Variants in ZNF57 observed in about 807,000 individuals in gnomAD.
The protein encoded by ZNF57 is zinc finger protein 57.
A neutral mutation model predicts 13.4 loss-of-function variants in ZNF57; 11 were observed. The observed-to-expected ratio is 0.82, with a 90% CI of 0.52 to 1.36. ZNF57 has a LOEUF of 1.36. ZNF57 is among the 40% of genes most tolerant of loss of function. The pLI is 0.00. For missense variants in ZNF57, 696 were observed against 667.5 expected (o/e 1.04, Z -0.47); for synonymous variants, 224 against 238.5 (o/e 0.94, Z 0.56).
At position 2,915,331 on chromosome 19, in the gene ZNF57, A is replaced by C. The variant is rs2088180539; in HGVS notation, c.4-191A>C. On this transcript the variant is annotated intron_variant, in intron 1 of 3. Transcript: ENST00000306908. ...GCAGTCGCAGTAAAAAGGCAGAGAT[A>C]AGTTCAGACTGATAGTGGTGCCATG... 3 of 639,164 alleles carry C rather than the reference A, an allele frequency of 4.7e-6. No individual in the cohort carries two copies. In the East Asian group the frequency reaches 9.3e-5, roughly 20 times the overall value. 39.6% of individuals were successfully genotyped at this position (639,164 alleles called of 1,614,324 possible).
rs370244124 is a variant in ZNF57 at position 2,917,314 on chromosome 19, G to A, written c.693G>A (p.Met231Ile). ...CCTACAAATGCGAGCAGTGTCGGAT[G>A]GCGTTTAATGGGTTCGCAAGCTTCA... ...EKTYKCEQCR[M>I]AFNGFASFTR... The change falls in exon 4 of 4, where the codon ATG becomes ATA. Residue 231 changes from methionine to isoleucine, a missense_variant. By Grantham distance (10) the Met-to-Ile change is conservative (BLOSUM62 1). Around this residue, in one of 3 missense-constraint regions of ZNF57, gnomAD observed 645 missense variants for 591.5 expected, o/e 1.09. Transcript: ENST00000306908. 1 of 1,614,092 alleles carries A rather than the reference G, an allele frequency of 6.2e-7. No homozygotes were observed. The highest frequency in any genetic ancestry group is 8.5e-7 in the Non-Finnish European group (1 of 1,179,966).
intron 1 of ZNF57, among the ~76,000 whole-genome samples, chr19:2,901,318 T>G (rs1599593926): frequency 4.9e-5 from 2 of 40,852 alleles, no homozygotes; most frequent in African/African-American, 1.1e-4. Context: ...GGGGGGACGG[T>G]AGGGGCGGTC....
intron 1 of ZNF57, among the ~76,000 whole-genome samples, chr19:2,906,622 G>A (rs908152549): frequency 6.6e-6 from 1 of 152,170 alleles, no homozygotes; most frequent in African/African-American, 2.4e-5. Flanking sequence ...AAAGCCACAC[G>A]GTCATCTGCT....
At chr19:2,905,407 G>GCGCCCCCCCCCC (rs2088064464) in intron 1 of ZNF57, among the ~76,000 whole-genome samples, 1 of 34,818 alleles carries the variant, frequency 2.9e-5, no homozygotes, top group African/African-American at 1.3e-4. Context: ...TCAGGTGATC[G>GCGCCCCCCCCCC]CCCCCCCCCC....
chr19:2,905,407 G>GCGCCCCCCCCCCCC (rs2088064464), intron 1 of ZNF57, among the ~76,000 whole-genome samples: 1 of 34,818 alleles, frequency 2.9e-5, no homozygotes, highest in African/African-American at 1.3e-4. Flanking sequence ...TCAGGTGATC[G>GCGCCCCCCCCCCCC]CCCCCCCCCC....
At chr19:2,907,681 TTC>T (rs1265415547) in intron 1 of ZNF57, among the ~76,000 whole-genome samples, 3 of 152,216 alleles carry the variant, frequency 2.0e-5, no homozygotes, top group Admixed American at 2.0e-4. Flanking sequence ...TAGACTCTTT[TTC>T]TCTGTTAGAT....
intron 1 of ZNF57, among the ~76,000 whole-genome samples, chr19:2,913,861 G>A (rs951031052): frequency 6.6e-6 from 1 of 152,094 alleles, no homozygotes; most frequent in Admixed American, 6.5e-5. Flanking sequence ...GGCTGGTCTC[G>A]AACACCTGAG....
chr19:2,915,763 C>T (rs1254346594), intron 2 of ZNF57, 115 bp downstream of exon 2: 1 of 1,469,398 alleles, frequency 6.8e-7, no homozygotes, highest in African/African-American at 1.4e-5. Context: ...TTCACAGCCA[C>T]CATGGACCTA....
chr19:2,914,237 T>G (rs377646041), intron 1 of ZNF57, among the ~76,000 whole-genome samples: 1 of 152,172 alleles, frequency 6.6e-6, no homozygotes, highest in Admixed American at 6.6e-5. Flanking sequence ...TTTTTAATTA[T>G]CCATTTCTTT....
chr19:2,901,195 C>T (rs1175652974), intron 1 of ZNF57, 147 bp downstream of exon 1: 2 of 1,157,668 alleles, frequency 1.7e-6, no homozygotes. Flanking sequence ...GGGACGCCAT[C>T]ACAGCGGCCG....
At chr19:2,906,110 G>A (rs1039212733) in intron 1 of ZNF57, among the ~76,000 whole-genome samples, 8 of 152,164 alleles carry the variant, frequency 5.3e-5, no homozygotes, top group African/African-American at 1.9e-4. Flanking sequence ...CTGGAGTGCA[G>A]TGATGCAATC....
intron 1 of ZNF57, among the ~76,000 whole-genome samples, chr19:2,913,096 G>T (rs1422674673): frequency 6.6e-6 from 1 of 152,154 alleles, no homozygotes; most frequent in African/African-American, 2.4e-5. Flanking sequence ...TGGGATTACA[G>T]GCATCCGCCA....
chr19:2,907,142 T>C (rs1355913580), intron 1 of ZNF57: 2 of 152,234 alleles, frequency 1.3e-5, no homozygotes, highest in Admixed American at 6.5e-5. Context: ...ATCGCACAGA[T>C]GGGTCAGAGT....
At chr19:2,915,465 T>C (rs1042119464) in intron 1 of ZNF57, 57 bp from the exon 2 acceptor site, 4 of 1,584,322 alleles carry the variant, frequency 2.5e-6, no homozygotes, top group Middle Eastern at 1.7e-4. Flanking sequence ...TTGAGTCCAG[T>C]TCCCCAGTAC....
rs2288957 is a variant in ZNF57 at position 2,917,309 on chromosome 19, C to G, written c.688C>G (p.Arg230Gly). 6.2e-7 allele frequency: 1 copy of G among 1,614,022 alleles called. No homozygotes were observed. The highest frequency in any genetic ancestry group is 8.5e-7 in the Non-Finnish European group (1 of 1,179,946). The change falls in exon 4 of 4, where the codon CGG becomes GGG. Residue 230 changes from arginine (R) to glycine (G), a missense_variant. Physicochemically the swap from Arg to Gly is moderately radical, Grantham distance 125 (BLOSUM62 -2). Around this residue, in one of 3 missense-constraint regions of ZNF57, gnomAD observed 645 missense variants for 591.5 expected, o/e 1.09. Transcript: ENST00000306908. Reference sequence around the variant, plus strand: ...GAAAACCTACAAATGCGAGCAGTGTCGGATGGCGTTTAATGGGTTCGCAAG... The same window carrying G: ...GAAAACCTACAAATGCGAGCAGTGTGGGATGGCGTTTAATGGGTTCGCAAG... ...AEKTYKCEQCRMAFNGFASFT... is the reference protein window; with the variant it reads ...AEKTYKCEQCGMAFNGFASFT...
Position 2,900,979 on chromosome 19 carries a change from C to A in ZNF57, c.-67C>A. The stretch of plus-strand genomic sequence containing the variant: ...CACGAGCGGCCCGGGAGTACCTGTA[C>A]CTTTCAGCTGCGCCGGCCGCGAGGC... On this transcript the variant is annotated 5_prime_UTR_variant, in exon 1 of 4. Transcript: ENST00000306908. 1 of 1,548,338 alleles carries A rather than the reference C, an allele frequency of 6.5e-7. No homozygotes were observed. The highest frequency in any genetic ancestry group is 2.5e-5 in the East Asian group (1 of 40,550).
In ZNF57 at chr19:2,917,222, T is replaced by C. The variant is rs910790576; in HGVS notation, c.601T>C (p.Cys201Arg). ...TEEKPYKCQA[C>R]GQTFQHPRYL... ...GGAGAAGCCGTATAAGTGTCAAGCA[T>C]GTGGGCAAACTTTCCAACATCCTCG... The change falls in exon 4 of 4, where the codon TGT becomes CGT. Residue 201 changes from cysteine (C) to arginine (R), a missense_variant. Cys to Arg is a radical substitution (Grantham distance 180). Around this residue, in one of 3 missense-constraint regions of ZNF57, gnomAD observed 645 missense variants for 591.5 expected, o/e 1.09. Transcript: ENST00000306908. 4 of 1,614,096 alleles carry C rather than the reference T, an allele frequency of 2.5e-6. No individual in the cohort carries two copies. In the African/African-American group the frequency reaches 4.0e-5, roughly 16 times the overall value.
intron 1 of ZNF57, among the ~76,000 whole-genome samples, chr19:2,902,530 A>T (rs988355060): frequency 1.3e-5 from 2 of 152,124 alleles, no homozygotes; most frequent in Admixed American, 6.5e-5. Context: ...GCAGCTAGAG[A>T]TGGATTAAAA....
chr19:2,901,396 C>T (rs1361664430), intron 1 of ZNF57, among the ~76,000 whole-genome samples: 14 of 151,940 alleles, frequency 9.2e-5, no homozygotes, highest in Non-Finnish European at 1.9e-4. Context: ...TACGCGTGTC[C>T]GTATAAGAGG....
Sources: allele counts gnomAD v4.1 joint callset (sites outside exome capture counted in the v4.1 genomes callset), GRCh38; gene constraint gnomAD v4.1.1; regional missense constraint gnomAD v4.1.1; transcripts MANE v1.5; gene names NCBI Gene and HGNC (gene_info 2026-07-23, HGNC 2026-07-21).